FERMT2: variants seen among roughly 807,000 people sequenced by gnomAD.
FERMT2 encodes the protein fermitin family homolog 2.
A neutral mutation model predicts 82.7 loss-of-function variants in FERMT2; 15 were observed. That is an observed-to-expected ratio of 0.18 (90% CI 0.12 to 0.28). The LOEUF is 0.28. FERMT2 is among the 10% of genes least tolerant of loss of function. The pLI, the probability that FERMT2 is intolerant of heterozygous loss-of-function variation, is 1.00. For missense variants in FERMT2, 645 were observed against 809.4 expected (o/e 0.80, Z 2.46); for synonymous variants, 274 against 271.5 (o/e 1.01, Z -0.09).
intron 14 of FERMT2, 33 bp downstream of exon 14, chr14:52,859,540 G>A: frequency 1.3e-6 from 2 of 1,555,428 alleles, no homozygotes; most frequent in Non-Finnish European, 1.7e-6. Context: ...ATCAGAGAAG[G>A]ACTATATTCA....
chr14:52,890,359 G>A (rs577066403), intron 4 of FERMT2, among the ~76,000 whole-genome samples: 5 of 148,436 alleles, frequency 3.4e-5, no homozygotes, highest in African/African-American at 7.4e-5. Flanking sequence ...CAGGAGAATC[G>A]CTTGAACCCA....
chr14:52,947,122 A>G (rs534579645), intron 2 of FERMT2, among the ~76,000 whole-genome samples: 1 of 152,360 alleles, frequency 6.6e-6, no homozygotes, highest in Admixed American at 6.5e-5. Context: ...ACTTCATGAC[A>G]TATGCTTTTG....
intron 2 of FERMT2, among the ~76,000 whole-genome samples, chr14:52,926,869 C>T (rs1889304027): frequency 6.6e-6 from 1 of 152,074 alleles, no homozygotes; most frequent in Non-Finnish European, 1.5e-5. Flanking sequence ...TAGCAAAATT[C>T]TAACTTCTAT....
At chr14:52,900,954 C>T (rs1489104718) in intron 3 of FERMT2, among the ~76,000 whole-genome samples, 1 of 151,828 alleles carries the variant, frequency 6.6e-6, no homozygotes, top group Admixed American at 6.6e-5. Context: ...TATAGAGCTT[C>T]CTATTAGGTA....
intron 3 of FERMT2, among the ~76,000 whole-genome samples, chr14:52,894,480 G>T (rs1018917214): frequency 6.6e-6 from 1 of 152,024 alleles, no homozygotes; most frequent in South Asian, 2.1e-4. Flanking sequence ...TTCTTAAAAA[G>T]AACAAAATTG....
At chr14:52,884,918 C>T (rs1886503097) in intron 4 of FERMT2, among the ~76,000 whole-genome samples, 1 of 152,034 alleles carries the variant, frequency 6.6e-6, no homozygotes, top group South Asian at 2.1e-4. Flanking sequence ...AGGAGAATCG[C>T]TTGAACCGAG....
At chr14:52,941,713 GC>G (rs1345867964) in intron 2 of FERMT2, among the ~76,000 whole-genome samples, 9 of 152,244 alleles carry the variant, frequency 5.9e-5, no homozygotes, top group African/African-American at 2.2e-4. Flanking sequence ...GCATACATTA[GC>G]TTTTTTCTGA....
intron 4 of FERMT2, among the ~76,000 whole-genome samples, chr14:52,891,303 G>A (rs1202343361): frequency 6.6e-6 from 1 of 152,018 alleles, no homozygotes; most frequent in East Asian, 1.9e-4. Context: ...GTTTGGAATT[G>A]TTTTCTGAAT....
At position 52,917,544 on chromosome 14, in the gene FERMT2, A is replaced by T. The variant is rs551185820; in HGVS notation, c.391+1579T>A. ...TAATAAAAACCCTGTTTCACTTTAA[A>T]AAAAATTTCAAGGGCATTAGATCAA... On this transcript the variant is annotated intron_variant, in intron 3 of 14. Coordinates refer to ENST00000341590, the MANE Select transcript of FERMT2 (RefSeq NM_006832.3). Among the ~76,000 whole-genome samples, 410 of 152,272 alleles carry T rather than the reference A, an allele frequency of 2.7e-3. 3 individuals carry two copies. Among genetic ancestry groups the T allele is most frequent in the African/African-American group, 9.4e-3 (392 of 41,552 alleles).
In FERMT2 at chr14:52,881,312, C is replaced by G. The variant is rs113812655; in HGVS notation, c.684G>C (p.Thr228=). ...ACATTTTTGCCAAGATTTCTGGTGA[C>G]GTGATTGGTTGACTGACAGCAAGTA... ...PGILAVSQPI[T]SPEILAKMFK... Residue 228 remains threonine (T), a synonymous_variant, in exon 5 of 15, where the codon ACG becomes ACC. Coordinates refer to ENST00000341590, the MANE Select transcript of FERMT2 (RefSeq NM_006832.3). 2 of 1,613,976 alleles carry G rather than the reference C, an allele frequency of 1.2e-6. No homozygotes were observed. Among genetic ancestry groups the G allele is most frequent in the African/African-American group, 1.3e-5 (1 of 74,984 alleles).
At chr14:52,864,326 A>G (rs981854307) in intron 12 of FERMT2, 75 bp downstream of exon 12, 130 of 1,070,138 alleles carry the variant, frequency 1.2e-4, no homozygotes, top group Non-Finnish European at 1.7e-4. Flanking sequence ...TTTGTTTAAG[A>G]GGGGAAAAAC....
chr14:52,872,661 C>A, intron 10 of FERMT2, 138 bp downstream of exon 10: 1 of 758,020 alleles, frequency 1.3e-6, no homozygotes. Context: ...AGAGACATAT[C>A]TAAACATTTT....
chr14:52,885,312 C>CACA (rs1368863667), intron 4 of FERMT2, among the ~76,000 whole-genome samples: 1 of 61,062 alleles, frequency 1.6e-5, no homozygotes. Context: ...GACTTAGTCT[C>CACA]AAAAAAAAAA....
At chr14:52,947,436 G>A (rs1045386696) in intron 2 of FERMT2, among the ~76,000 whole-genome samples, 29 of 152,106 alleles carry the variant, frequency 1.9e-4, no homozygotes, top group South Asian at 4.1e-4. Context: ...CCGGGATCGC[G>A]CTACTGCACT....
chr14:52,902,219 C>G (rs967116882), intron 3 of FERMT2, among the ~76,000 whole-genome samples: 1 of 151,854 alleles, frequency 6.6e-6, no homozygotes, highest in Admixed American at 6.6e-5. Context: ...ATGGTGAAAC[C>G]CTGTCTCTAC....
chr14:52,945,118 G>A (rs975863226), intron 2 of FERMT2, among the ~76,000 whole-genome samples: 5 of 151,892 alleles, frequency 3.3e-5, no homozygotes, highest in Admixed American at 1.3e-4. Context: ...CATGTTGCCC[G>A]GCTGGTCTCA....
intron 2 of FERMT2, among the ~76,000 whole-genome samples, chr14:52,936,843 A>T (rs1289803383): frequency 6.6e-6 from 1 of 152,114 alleles, no homozygotes; most frequent in East Asian, 1.9e-4. Flanking sequence ...TCACTACATT[A>T]TAGTAATTAC....
intron 4 of FERMT2, chr14:52,881,885 C>A: frequency 1.4e-6 from 1 of 714,282 alleles, no homozygotes; most frequent in South Asian, 1.7e-5. Flanking sequence ...CAACAGAGGA[C>A]AGAAACAAAA....
chr14:52,892,179 T>C (rs1466623294), intron 4 of FERMT2, among the ~76,000 whole-genome samples: 1 of 150,112 alleles, frequency 6.7e-6, no homozygotes, highest in Non-Finnish European at 1.5e-5. Context: ...TTTTTTTTTT[T>C]TTTTTTTTGA....
Sources: allele counts gnomAD v4.1 joint callset (sites outside exome capture counted in the v4.1 genomes callset), GRCh38; gene constraint gnomAD v4.1.1; transcripts MANE v1.5; gene names NCBI Gene and HGNC (gene_info 2026-07-23, HGNC 2026-07-21).